Variants in BAZ2A observed in about 807,000 individuals in gnomAD.
BAZ2A encodes the protein bromodomain adjacent to zinc finger domain protein 2A.
A neutral mutation model predicts 199.9 loss-of-function variants in BAZ2A; 34 were observed. That is an observed-to-expected ratio of 0.17 (90% CI 0.13 to 0.23). The LOEUF (loss-of-function observed/expected upper bound fraction) is 0.23, where lower values mean the gene tolerates loss of function less well. Ranked by LOEUF, BAZ2A falls within the 10% of genes least tolerant of loss-of-function variation. The pLI is 1.00. For missense variants in BAZ2A, 2,002 were observed against 2,391.1 expected, an observed-to-expected ratio of 0.84 and a Z score of 3.39; for synonymous variants, 857 against 883.9, an observed-to-expected ratio of 0.97 and a Z score of 0.54.
In BAZ2A at chr12:56,601,724, G is replaced by A; in HGVS notation, c.3893C>T (p.Ala1298Val). Residue 1298 changes from alanine (A) to valine (V), a missense_variant, in exon 20 of 29, where the codon GCT becomes GTT. This residue lies in a region of BAZ2A where 1,081 missense variants were observed against 1,274.7 expected (regional missense o/e 0.85). Coordinates refer to ENST00000549884, the MANE Select transcript of BAZ2A (RefSeq NM_001300905.2). ...PDSSPGKLDP[A>V]PSQPPEEPEP... is the part of the protein sequence containing the mutation. ...TGGCTCCTCCGGGGGTTGTGATGGA[G>A]CTGGGTCTAGTTTTCCCGGACTGCT... 1 of 1,613,994 alleles carries A rather than the reference G, an allele frequency of 6.2e-7. No individual in the cohort carries two copies. The highest frequency in any genetic ancestry group is 8.5e-7 in the Non-Finnish European group (1 of 1,179,890).
upstream of BAZ2A, among the ~76,000 whole-genome samples, chr12:56,632,041 G>A (rs117161953): frequency 4.5e-3 from 692 of 152,216 alleles, 5 homozygotes; most frequent in Admixed American, 7.7e-3. Context: ...ATTACCAGTG[G>A]AGGGAATAGG....
intron 1 of BAZ2A, among the ~76,000 whole-genome samples, chr12:56,629,486 A>C (rs1369628191): frequency 6.6e-6 from 1 of 152,130 alleles, no homozygotes; most frequent in Admixed American, 6.5e-5. Context: ...GGAAAGCCTC[A>C]GCGGAAGCCC....
Position 56,615,176 on chromosome 12 carries a change from TC to T in BAZ2A, c.567del (p.Thr190LeufsTer18). On this transcript the variant is annotated frameshift_variant, in exon 3 of 29. Coordinates refer to ENST00000549884, the MANE Select transcript of BAZ2A (RefSeq NM_001300905.2). LOFTEE classifies it high-confidence loss of function. ...NGPPSFFTSP[Q>X]TSPMLGSSIQ... ...ATGCTAGATCCCAACATAGGAGAAG[TC>T]TGTGGGGAGGTGAAAAAACTAGGGG... 6.2e-7 allele frequency: 1 copy of T among 1,613,450 alleles called. No individual in the cohort carries two copies. Among genetic ancestry groups the T allele is most frequent in the Non-Finnish European group, 8.5e-7 (1 of 1,179,716 alleles).
At position 56,603,230 on chromosome 12, in the gene BAZ2A, T is replaced by C. The variant is rs192631938; in HGVS notation, c.3279+129A>G. ...CTGCAGTGAGCCATGATCGTGCCAC[T>C]GCACTCCAGCCTGGGTAACAGAAAC... On this transcript the variant is annotated intron_variant, in intron 18 of 28. Transcript: ENST00000549884. The C allele has an allele frequency of 4.2e-5, 45 of 1,071,606 alleles. No individual in the cohort carries two copies. In the East Asian group the frequency reaches 9.4e-4, roughly 22 times the overall value. The allele number at this position is 1,071,606 out of a possible 1,614,324, so 66.4% of individuals were successfully genotyped here.
chr12:56,636,523 A>G, upstream of BAZ2A: 1 of 427,762 alleles, frequency 2.3e-6, no homozygotes. Context: ...GAGGCCGGCA[A>G]AGGGGGAAGG....
exon 1 of BAZ2A, chr12:56,636,358 T>G: frequency 2.1e-6 from 3 of 1,407,808 alleles, no homozygotes; most frequent in East Asian, 2.6e-5. Flanking sequence ...TGCTGTAGGG[T>G]GATGTCCCTG....
At chr12:56,633,618 A>AC (rs1393473714), upstream of BAZ2A, among the ~76,000 whole-genome samples, 5 of 149,868 alleles carry the variant, frequency 3.3e-5, no homozygotes, top group Non-Finnish European at 3.0e-5. Context: ...TTCCAACTAG[A>AC]CCCCCCCACC....
chr12:56,626,490 C>T (rs946186969), intron 1 of BAZ2A, among the ~76,000 whole-genome samples: 3 of 152,202 alleles, frequency 2.0e-5, no homozygotes, highest in Admixed American at 6.5e-5. Flanking sequence ...ATTCCAGAGC[C>T]GCAAGACTAC....
chr12:56,618,208 A>C (rs1049734248), intron 1 of BAZ2A, among the ~76,000 whole-genome samples: 1 of 152,166 alleles, frequency 6.6e-6, no homozygotes, highest in African/African-American at 2.4e-5. Flanking sequence ...AGCAGTGGAA[A>C]ATTGATTAAA....
At chr12:56,599,641 G>A in intron 26 of BAZ2A, 61 bp downstream of exon 26, 1 of 1,607,852 alleles carries the variant, frequency 6.2e-7, no homozygotes, top group Non-Finnish European at 8.5e-7. Flanking sequence ...AAGGAGAGGA[G>A]AGATTGAGGA....
At chr12:56,619,002 G>A (rs1465058339) in intron 1 of BAZ2A, among the ~76,000 whole-genome samples, 1 of 152,002 alleles carries the variant, frequency 6.6e-6, no homozygotes, top group East Asian at 1.9e-4. Context: ...TTAAGACCAA[G>A]CTGGATAACA....
intron 1 of BAZ2A, among the ~76,000 whole-genome samples, chr12:56,625,992 A>G (rs1177320923): frequency 6.6e-6 from 1 of 152,142 alleles, no homozygotes; most frequent in Admixed American, 6.5e-5. Context: ...TGTTCTCTTT[A>G]AAGAGGAGAA....
chr12:56,599,165 G>A lies in BAZ2A; in HGVS notation c.5366C>T (p.Ser1789Phe), dbSNP rs1341084182. 3.7e-6 allele frequency: 6 copies of A among 1,612,646 alleles called. No homozygotes were observed. The highest frequency in any genetic ancestry group is 5.1e-6 in the Non-Finnish European group (6 of 1,179,510). ...GAGATCACTGTGGTGGTTCCGCATAGAGAGTCGCCGCCGCTTGGAGGGGGA... is the reference window on the plus strand; with the variant it reads ...GAGATCACTGTGGTGGTTCCGCATAAAGAGTCGCCGCCGCTTGGAGGGGGA... ...GLSPSKRRRL[S>F]MRNHHSDLTF... Residue 1789 changes from serine (S) to phenylalanine (F), a missense_variant, in exon 27 of 29, where the codon TCT becomes TTT. By Grantham distance (155) the Ser-to-Phe change is radical. Around this residue, in one of 6 missense-constraint regions of BAZ2A, gnomAD observed 122 missense variants for 123.0 expected, o/e 0.99. Coordinates refer to ENST00000549884, the MANE Select transcript of BAZ2A (RefSeq NM_001300905.2).
chr12:56,622,200 C>G (rs10876912), intron 1 of BAZ2A, among the ~76,000 whole-genome samples: 1 of 151,758 alleles, frequency 6.6e-6, no homozygotes, highest in Admixed American at 6.6e-5. Context: ...ATTAGCTGGG[C>G]GTGGTGGCGG....
chr12:56,618,073 A>T (rs1950781617), intron 1 of BAZ2A, among the ~76,000 whole-genome samples: 1 of 152,192 alleles, frequency 6.6e-6, no homozygotes, highest in Admixed American at 6.5e-5. Context: ...GATAGTAGTT[A>T]CATTAGTAAA....
Position 56,610,475 on chromosome 12 carries a change from C to A in BAZ2A, c.1713G>T (p.Trp571Cys), listed in dbSNP as rs773396568. Residue 571 changes from tryptophan (W) to cysteine (C), a missense_variant, in exon 8 of 29, where the codon TGG becomes TGT. Coordinates refer to ENST00000549884, the MANE Select transcript of BAZ2A (RefSeq NM_001300905.2). ...EVRIKKGSHR[W>C]QGETWYYGPC... is the part of the protein sequence containing the mutation. ...GGCCATAATACCAGGTCTCCCCCTG[C>A]CATCGGTGGCTGCCCTTCTTGATGC... 1 of 1,613,720 alleles carries A rather than the reference C, an allele frequency of 6.2e-7. No homozygotes were observed.
Position 56,617,436 on chromosome 12 carries a change from T to C in BAZ2A, c.95A>G (p.Tyr32Cys), listed in dbSNP as rs986121967. The change falls in exon 2 of 29, where the codon TAC becomes TGC. Residue 32 changes from tyrosine to cysteine, a missense_variant. Tyr to Cys is a radical substitution (Grantham distance 194). This residue lies in a region of BAZ2A where 641 missense variants were observed against 694.5 expected (regional missense o/e 0.92). Coordinates refer to ENST00000549884, the MANE Select transcript of BAZ2A (RefSeq NM_001300905.2). ...GAAGTTCATGGGAGACCCGTTAGTG[T>C]AGAGGCCCTCCCCTGAGGAAGGAGA... ...KPSPSSGEGL[Y>C]TNGSPMNFPQ... 1.6e-5 allele frequency: 25 copies of C among 1,605,834 alleles called. No individual in the cohort carries two copies. Among genetic ancestry groups the C allele is most frequent in the Non-Finnish European group, 2.1e-5 (25 of 1,176,376 alleles).
At chr12:56,622,076 C>T (rs563687920) in intron 1 of BAZ2A, among the ~76,000 whole-genome samples, 1 of 151,982 alleles carries the variant, frequency 6.6e-6, no homozygotes, top group Non-Finnish European at 1.5e-5. Flanking sequence ...CAGTGGTTCA[C>T]GCCTGTAATC....
At position 56,612,360 on chromosome 12, in the gene BAZ2A, T is replaced by C. The variant is rs145306477; in HGVS notation, c.1136-114A>G. ...CTAAACAGGGTTACTTCAAGGGGTC[T>C]TCCCTAGGGTTGGAAAAAGAAGTAG... On this transcript the variant is annotated intron_variant, in intron 5 of 28. Coordinates refer to ENST00000549884, the MANE Select transcript of BAZ2A (RefSeq NM_001300905.2). The C allele has an allele frequency of 6.9e-4, 606 of 878,996 alleles. 5 individuals carry two copies. The East Asian group carries it at 0.01, about 15-fold the overall frequency. The allele number at this position is 878,996 out of a possible 1,614,324, so 54.4% of individuals were successfully genotyped here. A position where few individuals can be genotyped will look rare whatever the true frequency, so the allele number is the denominator to read the frequency against.
Sources: allele counts gnomAD v4.1 joint callset (sites outside exome capture counted in the v4.1 genomes callset), GRCh38; gene constraint gnomAD v4.1.1; regional missense constraint gnomAD v4.1.1; transcripts MANE v1.5; gene names NCBI Gene and HGNC (gene_info 2026-07-23, HGNC 2026-07-21).